The following PDE4D variants were observed in gnomAD, a reference collection of about 807,000 sequenced individuals.
PDE4D encodes phosphodiesterase 4D, also known as 3',5'-cyclic-AMP phosphodiesterase 4D.
A neutral mutation model predicts 87.4 loss-of-function variants in PDE4D; 24 were observed. The observed-to-expected ratio is 0.27, with a 90% CI of 0.20 to 0.39. PDE4D has a LOEUF of 0.39. Among genes scored for constraint, PDE4D ranks in the 10% least tolerant of loss-of-function variants. The pLI, the probability that PDE4D is intolerant of heterozygous loss-of-function variation, is 1.00. For synonymous variants in PDE4D, 384 were observed against 383.2 expected (o/e 1.00, Z -0.02); for missense variants, 714 against 1,041.0 (o/e 0.69, Z 4.32).
At position 59,592,689 on chromosome 5, in the gene PDE4D, T is replaced by G. The variant is rs533311209; in HGVS notation, c.455+300479A>C. ...TGTTAAATTTTACTTTTAATTTTTTTTTTGGAAGTAGAAGACTTAAAAGCC... is the reference window on the plus strand; with the variant it reads ...TGTTAAATTTTACTTTTAATTTTTTGTTTGGAAGTAGAAGACTTAAAAGCC... On this transcript the variant is annotated intron_variant, in intron 1 of 14. Coordinates refer to ENST00000340635, the MANE Select transcript of PDE4D (RefSeq NM_001104631.2). 3.9e-4 allele frequency among the ~76,000 whole-genome samples: 60 copies of G among 152,212 alleles called. No homozygotes were observed. The South Asian group carries it at 0.012, about 31-fold the overall frequency.
intron 1 of PDE4D, among the ~76,000 whole-genome samples, chr5:59,824,197 C>A (rs1240862562): frequency 6.6e-6 from 1 of 152,152 alleles, no homozygotes; most frequent in African/African-American, 2.4e-5. Flanking sequence ...CAACAACTAT[C>A]ACTTTGATGT....
intron 1 of PDE4D, among the ~76,000 whole-genome samples, chr5:59,609,707 T>C (rs1272001668): frequency 6.6e-6 from 1 of 152,172 alleles, no homozygotes; most frequent in Non-Finnish European, 1.5e-5. Context: ...GTTGTTCCTG[T>C]AGCCCATTCT....
rs186884503 is a variant in PDE4D, at chr5:59,401,616, A to G, written c.456-185648T>C. On this transcript the variant is annotated intron_variant, in intron 1 of 14. Coordinates refer to ENST00000340635, the MANE Select transcript of PDE4D (RefSeq NM_001104631.2). ...AGTTTATGGTGTGGAACTCTGGGGT[A>G]TTACACTGAAATGTTAGGGGTTCTC... Among the ~76,000 whole-genome samples the G allele has an allele frequency of 2.6e-5, 4 of 152,196 alleles. No individual in the cohort carries two copies. In the East Asian group the frequency reaches 7.7e-4, roughly 29 times the overall value.
intron 1 of PDE4D, among the ~76,000 whole-genome samples, chr5:60,255,876 C>G (rs1224482129): frequency 6.6e-6 from 1 of 151,846 alleles, no homozygotes; most frequent in African/African-American, 2.4e-5. Flanking sequence ...TCCAATGTAA[C>G]ACTGGCAAAT....
intron 1 of PDE4D, among the ~76,000 whole-genome samples, chr5:59,564,142 A>G (rs935741957): frequency 6.6e-6 from 1 of 152,176 alleles, no homozygotes; most frequent in African/African-American, 2.4e-5. Context: ...ATCTGCAGGG[A>G]TAGAAAAATG....
Position 58,972,548 on chromosome 5 carries a change from A to G in PDE4D, c.*2116T>C, listed in dbSNP as rs1418729760. The G allele has an allele frequency of 3.9e-5, 6 of 152,224 alleles. No homozygotes were observed. Among genetic ancestry groups the G allele is most frequent in the Non-Finnish European group, 8.8e-5 (6 of 68,042 alleles). 9.4% of individuals were successfully genotyped at this position (152,224 alleles called of 1,614,324 possible). A position where few individuals can be genotyped will look rare whatever the true frequency, so the allele number is the denominator to read the frequency against. On this transcript the variant is annotated 3_prime_UTR_variant, in exon 15 of 15. Coordinates refer to ENST00000340635, the MANE Select transcript of PDE4D (RefSeq NM_001104631.2). ...CCAGTCCCCAGGAGGCTCCTTGAGA[A>G]GTTCCACATATAAATGCTTTTCAGA...
intron 1 of PDE4D, among the ~76,000 whole-genome samples, chr5:59,412,241 T>C (rs1373628521): frequency 6.6e-6 from 1 of 152,248 alleles, no homozygotes; most frequent in Non-Finnish European, 1.5e-5. Context: ...TTTGTACTTT[T>C]ATTTTTTTTA....
intron 2 of PDE4D, among the ~76,000 whole-genome samples, chr5:60,054,305 C>T (rs1057339524): frequency 1.3e-5 from 2 of 152,138 alleles, no homozygotes; most frequent in Non-Finnish European, 2.9e-5. Context: ...CAACGATAGA[C>T]TGGATTAAGA....
Position 59,836,618 on chromosome 5 carries a change from G to GTATCTATCTATCTATC in PDE4D, c.455+56534_455+56549dup, listed in dbSNP as rs6149046. 2.4e-3 allele frequency among the ~76,000 whole-genome samples: 343 copies of GTATCTATCTATCTATC among 140,480 alleles called. 3 individuals carry two copies. Among genetic ancestry groups the GTATCTATCTATCTATC allele is most frequent in the Middle Eastern group, 3.4e-3 (1 of 290 alleles). 92.2% of individuals were successfully genotyped at this position (140,480 alleles called of 152,430 possible). Reference sequence around the variant, plus strand: ...TTTTCTGTCTTACCACTTCCAAGATGTATCTATCTATCTATCTATCTATCT... The same window carrying GTATCTATCTATCTATC: ...TTTTCTGTCTTACCACTTCCAAGATGTATCTATCTATCTATCTATCTATCTATCTATCTATCTATCT... On this transcript the variant is annotated intron_variant, in intron 1 of 14. Coordinates refer to ENST00000340635, the MANE Select transcript of PDE4D (RefSeq NM_001104631.2).
At chr5:59,876,690 T>C (rs1161764298) in intron 1 of PDE4D, among the ~76,000 whole-genome samples, 1 of 152,204 alleles carries the variant, frequency 6.6e-6, no homozygotes, top group East Asian at 1.9e-4. Context: ...ACATTGATTA[T>C]GTTTCTCTTC....
intron 1 of PDE4D, among the ~76,000 whole-genome samples, chr5:60,304,513 C>T (rs1158582440): frequency 2.0e-5 from 3 of 151,116 alleles, no homozygotes; most frequent in Non-Finnish European, 4.4e-5. Flanking sequence ...GGCGCGGTGG[C>T]GGGCGCCTGT....
At chr5:59,168,363 C>T (rs1226478782) in intron 5 of PDE4D, among the ~76,000 whole-genome samples, 4 of 152,150 alleles carry the variant, frequency 2.6e-5, no homozygotes, top group Non-Finnish European at 4.4e-5. Flanking sequence ...CTGGTTCCTC[C>T]GAAACACCCC....
At chr5:59,785,290 C>A (rs1765057271) in intron 1 of PDE4D, among the ~76,000 whole-genome samples, 1 of 152,142 alleles carries the variant, frequency 6.6e-6, no homozygotes, top group East Asian at 1.9e-4. Context: ...TTTGAGTAAA[C>A]CTAGCTTTCA....
chr5:59,034,255 G>C (rs1373548943), intron 6 of PDE4D, among the ~76,000 whole-genome samples: 1 of 152,082 alleles, frequency 6.6e-6, no homozygotes, highest in Non-Finnish European at 1.5e-5. Flanking sequence ...TATAATTATA[G>C]AAGATATTTT....
At chr5:60,158,361 T>TA (rs1449960320) in intron 2 of PDE4D, among the ~76,000 whole-genome samples, 1 of 151,912 alleles carries the variant, frequency 6.6e-6, no homozygotes, top group African/African-American at 2.4e-5. Context: ...TCTAAACATA[T>TA]AAAAAATAGG....
At chr5:60,160,301 A>G (rs1446172094) in intron 2 of PDE4D, among the ~76,000 whole-genome samples, 1 of 152,172 alleles carries the variant, frequency 6.6e-6, no homozygotes, top group African/African-American at 2.4e-5. Flanking sequence ...TTACACACAG[A>G]TTTTCAGCTG....
chr5:59,398,402 C>T (rs1789918881), intron 1 of PDE4D, among the ~76,000 whole-genome samples: 2 of 144,500 alleles, frequency 1.4e-5, no homozygotes, highest in South Asian at 4.7e-4. Context: ...GGGCTTCATC[C>T]CTGGGATGCA....
intron 3 of PDE4D, among the ~76,000 whole-genome samples, chr5:59,189,928 T>C (rs11948460): frequency 0.13 from 19,411 of 152,202 alleles, 1,527 homozygotes; most frequent in African/African-American, 0.22. Context: ...TTTTAGACAA[T>C]GGGATAAACT....
intron 1 of PDE4D, among the ~76,000 whole-genome samples, chr5:60,355,896 G>C (rs1225845424): frequency 6.6e-6 from 1 of 152,080 alleles, no homozygotes; most frequent in South Asian, 2.1e-4. Flanking sequence ...ACTGTCTCAG[G>C]GGTAGCAGAG....
Sources: gnomAD v4.1 joint callset for allele counts (sites outside exome capture counted in the v4.1 genomes callset) on GRCh38, gnomAD v4.1.1 for gene constraint, MANE v1.5 for transcripts, NCBI Gene and HGNC (gene_info 2026-07-23, HGNC 2026-07-21) for gene names.